Variants in CHIC2 observed in about 807,000 individuals in gnomAD.
The protein encoded by CHIC2 is cysteine-rich hydrophobic domain-containing protein 2.
A neutral mutation model predicts 25.9 loss-of-function variants in CHIC2; 14 were observed. The observed-to-expected ratio is 0.54, with a 90% CI of 0.36 to 0.85. The LOEUF (loss-of-function observed/expected upper bound fraction) is 0.85. Ranked by LOEUF, CHIC2 falls within the 40% of genes least tolerant of loss-of-function variation. The pLI, the probability that CHIC2 is intolerant of heterozygous loss-of-function variation, is 0.01. For synonymous variants in CHIC2, 70 were observed against 72.0 expected, an observed-to-expected ratio of 0.97 and a Z score of 0.14; for missense variants, 146 against 202.0, an observed-to-expected ratio of 0.72 and a Z score of 1.68.
At chr4:54,020,270 A>G (rs1005159746) in intron 3 of CHIC2, among the ~76,000 whole-genome samples, 2 of 152,122 alleles carry the variant, frequency 1.3e-5, no homozygotes, top group African/African-American at 2.4e-5. Context: ...CCCACCCTTA[A>G]GAAGGTTCTT....
chr4:54,087,535 C>A, the CHIC2 span: 1 of 1,165,616 alleles, frequency 8.6e-7, no homozygotes, highest in Non-Finnish European at 1.1e-6. Context: ...TTGAGAGGCC[C>A]CTGTATGCAG....
chr4:54,055,591 T>C (rs543388005), intron 1 of CHIC2, among the ~76,000 whole-genome samples: 2 of 152,290 alleles, frequency 1.3e-5, no homozygotes, highest in South Asian at 4.1e-4. Context: ...AGAATTTTTA[T>C]GTTCCTACAG....
chr4:54,035,327 T>C (rs1716352938), intron 3 of CHIC2, among the ~76,000 whole-genome samples: 1 of 152,194 alleles, frequency 6.6e-6, no homozygotes, highest in Non-Finnish European at 1.5e-5. Context: ...ACTTCTTCCT[T>C]AAATTTTGTA....
At chr4:54,044,383 C>T (rs879698106) in intron 3 of CHIC2, among the ~76,000 whole-genome samples, 34 of 152,288 alleles carry the variant, frequency 2.2e-4, no homozygotes, top group Admixed American at 1.2e-3. Context: ...TATTCCAAAA[C>T]TGACCACATA....
chr4:54,068,464 C>G (rs951553879), upstream of CHIC2, among the ~76,000 whole-genome samples: 3 of 152,198 alleles, frequency 2.0e-5, no homozygotes, highest in African/African-American at 7.2e-5. Flanking sequence ...GCCGTTTGAT[C>G]TTGAACTTCC....
At chr4:54,082,313 T>C in the CHIC2 span, among the ~76,000 whole-genome samples, 1 of 152,234 alleles carries the variant, frequency 6.6e-6, no homozygotes, top group Admixed American at 6.5e-5. Context: ...TGACTCAGAC[T>C]GGGAATCTGA....
intron 1 of CHIC2, among the ~76,000 whole-genome samples, chr4:54,056,782 G>T (rs770460095): frequency 1.4e-4 from 21 of 152,164 alleles, no homozygotes; most frequent in Non-Finnish European, 2.2e-4. Flanking sequence ...GGATGCAACT[G>T]AGTTTTAAAT....
At chr4:54,081,198 C>T in the CHIC2 span, among the ~76,000 whole-genome samples, 4 of 151,456 alleles carry the variant, frequency 2.6e-5, no homozygotes, top group African/African-American at 9.7e-5. Flanking sequence ...CTATGTTACC[C>T]AGGCTGGCCT....
chr4:54,020,438 C>A (rs1291819438), intron 3 of CHIC2, among the ~76,000 whole-genome samples: 1 of 152,158 alleles, frequency 6.6e-6, no homozygotes, highest in Non-Finnish European at 1.5e-5. Flanking sequence ...CCGCCTGCAC[C>A]CAGGTGAAAT....
chr4:54,045,673 A>T (rs1716762107), intron 3 of CHIC2, among the ~76,000 whole-genome samples: 1 of 152,012 alleles, frequency 6.6e-6, no homozygotes. Flanking sequence ...GCTATCTATG[A>T]CAAACCCACA....
chr4:54,040,793 G>A (rs980503084), intron 3 of CHIC2, among the ~76,000 whole-genome samples: 1 of 149,298 alleles, frequency 6.7e-6, no homozygotes, highest in Non-Finnish European at 1.5e-5. Flanking sequence ...CAGGAGAATT[G>A]CTTGAACCTG....
At position 54,014,108 on chromosome 4, in the gene CHIC2, C is replaced by A; in HGVS notation, c.342G>T (p.Ser114=). 3 of 1,613,236 alleles carry A rather than the reference C, an allele frequency of 1.9e-6. No homozygotes were observed. Among genetic ancestry groups the A allele is most frequent in the Admixed American group, 1.7e-5 (1 of 59,876 alleles). The change falls in exon 4 of 6, where the codon TCG becomes TCT. Residue 114 remains serine, a synonymous_variant. Transcript: ENST00000263921. ...TTTCCCATTCTAATAACTTCTCAAT[C>A]GATCTTCGTGTCTGGAAGACAAATG... The part of the protein sequence containing the change: ...VICLSKRTRR[S]IEKLLEWENN...
upstream of CHIC2, among the ~76,000 whole-genome samples, chr4:54,069,204 T>A (rs982278646): frequency 2.6e-5 from 4 of 152,182 alleles, no homozygotes; most frequent in African/African-American, 9.7e-5. Flanking sequence ...ATTTTTATAT[T>A]TTTTGTAGAG....
intron 1 of CHIC2, among the ~76,000 whole-genome samples, chr4:54,059,149 C>T (rs530020816): frequency 2.6e-5 from 4 of 152,172 alleles, no homozygotes; most frequent in Non-Finnish European, 4.4e-5. Context: ...AGAATTTTTT[C>T]TTCACATTAC....
At chr4:54,057,135 T>C (rs559110217) in intron 1 of CHIC2, among the ~76,000 whole-genome samples, 2 of 152,246 alleles carry the variant, frequency 1.3e-5, no homozygotes, top group African/African-American at 4.8e-5. Flanking sequence ...ACAGCAAAAG[T>C]GGCCACTGCT....
Position 54,064,490 on chromosome 4 carries a change from G to A in CHIC2, c.-190C>T. ...GGTCTGGACCGTCGCCGCCACCGCC[G>A]CCGCCATTACCATCAGCAATAACAA... On this transcript the variant is annotated 5_prime_UTR_variant, in exon 1 of 6. Coordinates refer to ENST00000263921, the MANE Select transcript of CHIC2 (RefSeq NM_012110.4). The surrounding 1 kb of genome is among the most constrained non-coding windows in gnomAD (Gnocchi z 4.2). 2 of 1,440,340 alleles carry A rather than the reference G, an allele frequency of 1.4e-6. No homozygotes were observed. Among genetic ancestry groups the A allele is most frequent in the East Asian group, 2.6e-5 (1 of 38,938 alleles). 89.2% of individuals were successfully genotyped at this position (1,440,340 alleles called of 1,614,324 possible).
At chr4:54,079,130 T>C in the CHIC2 span, among the ~76,000 whole-genome samples, 1 of 151,938 alleles carries the variant, frequency 6.6e-6, no homozygotes, top group Non-Finnish European at 1.5e-5. Context: ...GGCAGGAGAA[T>C]TGCTTGAACC....
upstream of CHIC2, among the ~76,000 whole-genome samples, chr4:54,065,508 A>C (rs1269687703): frequency 6.6e-6 from 1 of 152,076 alleles, no homozygotes; most frequent in East Asian, 1.9e-4. Context: ...AAGGACGAGA[A>C]GAATGAAAGA....
upstream of CHIC2, among the ~76,000 whole-genome samples, chr4:54,067,190 A>G (rs1046042053): frequency 6.6e-6 from 1 of 152,166 alleles, no homozygotes; most frequent in Non-Finnish European, 1.5e-5. Context: ...TTCTTATTCT[A>G]AGATCTATTC....
Sources: gnomAD v4.1 joint callset for allele counts (sites outside exome capture counted in the v4.1 genomes callset) on GRCh38, gnomAD v4.1.1 for gene constraint, Gnocchi (gnomAD v3.1) non-coding constraint, MANE v1.5 for transcripts, NCBI Gene and HGNC (gene_info 2026-07-23, HGNC 2026-07-21) for gene names.